Variants in PIK3C2G observed in about 807,000 individuals in gnomAD.
PIK3C2G encodes the protein phosphatidylinositol 3-kinase C2 domain-containing subunit gamma.
In PIK3C2G, 168 loss-of-function variants were observed where a neutral mutation model predicts 181.1. That is an observed-to-expected ratio of 0.93 (90% CI 0.82 to 1.05). PIK3C2G has a LOEUF of 1.05. Among genes scored for constraint, PIK3C2G ranks in the 50% least tolerant of loss-of-function variants. The pLI, the probability that PIK3C2G is intolerant of heterozygous loss-of-function variation, is 0.00. For missense variants in PIK3C2G, 1,869 were observed against 1,732.8 expected, an observed-to-expected ratio of 1.08 and a Z score of -1.40; for synonymous variants, 573 against 592.2, an observed-to-expected ratio of 0.97 and a Z score of 0.47.
the PIK3C2G span, among the ~76,000 whole-genome samples, chr12:18,659,274 A>G: frequency 8.5e-5 from 13 of 152,322 alleles, no homozygotes; most frequent in East Asian, 3.9e-4. Flanking sequence ...GCAAAGAGAT[A>G]AATACTATCA....
At chr12:18,617,874 G>C (rs1327167380) in intron 31 of PIK3C2G, among the ~76,000 whole-genome samples, 4 of 152,228 alleles carry the variant, frequency 2.6e-5, no homozygotes, top group African/African-American at 7.2e-5. Flanking sequence ...CCTCTGACAG[G>C]CTGATTATAG....
At chr12:18,574,401 C>T (rs1946127461) in intron 29 of PIK3C2G, among the ~76,000 whole-genome samples, 1 of 152,150 alleles carries the variant, frequency 6.6e-6, no homozygotes, top group Non-Finnish European at 1.5e-5. Context: ...TAAAGAAAAA[C>T]TTATCTGTAA....
intron 18 of PIK3C2G, among the ~76,000 whole-genome samples, chr12:18,472,854 C>T (rs1938582720): frequency 6.6e-6 from 1 of 152,064 alleles, no homozygotes; most frequent in African/African-American, 2.4e-5. Flanking sequence ...CACCCGCCAC[C>T]ACGCCCAGCT....
intron 28 of PIK3C2G, among the ~76,000 whole-genome samples, chr12:18,564,039 G>GT (rs144367297): frequency 0.049 from 7,423 of 151,158 alleles, 451 homozygotes; most frequent in African/African-American, 0.14. Context: ...AACTCATTTT[G>GT]TGCCATTGAT....
chr12:18,712,960 A>C, the PIK3C2G span: 3 of 1,613,942 alleles, frequency 1.9e-6, no homozygotes, highest in Non-Finnish European at 2.5e-6. Flanking sequence ...GTCAATCTCC[A>C]AACAACGGCA....
chr12:18,393,502 T>C (rs11044071), intron 15 of PIK3C2G, among the ~76,000 whole-genome samples: 19,496 of 151,970 alleles, frequency 0.13, 1,297 homozygotes, highest in African/African-American at 0.16. Flanking sequence ...AGTGAAAATA[T>C]GCCTGTGATA....
At chr12:18,353,096 A>G (rs1455185471) in intron 11 of PIK3C2G, among the ~76,000 whole-genome samples, 6 of 152,186 alleles carry the variant, frequency 3.9e-5, no homozygotes, top group Non-Finnish European at 8.8e-5. Flanking sequence ...CCTCCTGTCC[A>G]TATCACTTCC....
chr12:18,364,009 G>A (rs564778953), intron 12 of PIK3C2G, among the ~76,000 whole-genome samples: 2 of 152,214 alleles, frequency 1.3e-5, no homozygotes, highest in South Asian at 4.1e-4. Context: ...AACTCTGCTT[G>A]TAAAATTTTT....
chr12:18,492,890 G>A (rs144618646), intron 20 of PIK3C2G, among the ~76,000 whole-genome samples: 53 of 152,204 alleles, frequency 3.5e-4, no homozygotes, highest in African/African-American at 1.1e-3. Flanking sequence ...AGCACCCTAC[G>A]GTTAGCAGTA....
intron 31 of PIK3C2G, among the ~76,000 whole-genome samples, chr12:18,634,533 T>C (rs1009006701): frequency 2.0e-5 from 3 of 152,222 alleles, no homozygotes; most frequent in African/African-American, 7.2e-5. Flanking sequence ...CAGTCCAATG[T>C]AATCAACCGG....
chr12:18,693,012 A>G, the PIK3C2G span: 162 of 1,423,996 alleles, frequency 1.1e-4, no homozygotes, highest in Non-Finnish European at 1.5e-4. Flanking sequence ...GGAAGAATTC[A>G]TTAGAAATCA....
chr12:18,679,298 T>A, the PIK3C2G span, among the ~76,000 whole-genome samples: 1 of 151,986 alleles, frequency 6.6e-6, no homozygotes, highest in Non-Finnish European at 1.5e-5. Context: ...TTTAAAAAAA[T>A]TTTGATGAAA....
Position 18,500,473 on chromosome 12 carries a change from G to T in PIK3C2G, c.3016+2725G>T, listed in dbSNP as rs376392598. Among the ~76,000 whole-genome samples, 22 of 152,270 alleles carry T rather than the reference G, an allele frequency of 1.4e-4. No individual in the cohort carries two copies. The East Asian group carries it at 3.9e-3, about 27-fold the overall frequency. On this transcript the variant is annotated intron_variant, in intron 22 of 32. Coordinates refer to ENST00000538779, the MANE Select transcript of PIK3C2G (RefSeq NM_001288772.2). ...GCAGCCGAGCCTCCCCTACGAGCGC[G>T]GCCCCCTGCTCCACGGCGCCCAGTC... is the stretch of plus-strand genomic sequence containing the variant.
chr12:18,456,416 A>T (rs531897605), intron 18 of PIK3C2G, among the ~76,000 whole-genome samples: 2 of 152,240 alleles, frequency 1.3e-5, no homozygotes, highest in East Asian at 3.9e-4. Context: ...GGGGCTCCCA[A>T]GTGGGTCTTC....
At chr12:18,287,977 C>G (rs1176388800) in intron 3 of PIK3C2G, among the ~76,000 whole-genome samples, 1 of 151,918 alleles carries the variant, frequency 6.6e-6, no homozygotes, top group Non-Finnish European at 1.5e-5. Flanking sequence ...GCCTGGCCAA[C>G]GTGGTGAAAC....
At chr12:18,576,011 A>T (rs896179664) in intron 29 of PIK3C2G, among the ~76,000 whole-genome samples, 4 of 152,206 alleles carry the variant, frequency 2.6e-5, no homozygotes, top group African/African-American at 9.7e-5. Flanking sequence ...TTATTCTTAT[A>T]TCTTATCAAG....
chr12:18,593,316 C>T (rs1947183442), intron 29 of PIK3C2G, among the ~76,000 whole-genome samples: 2 of 151,396 alleles, frequency 1.3e-5, no homozygotes, highest in East Asian at 1.9e-4. Context: ...GGGAAAGACA[C>T]ATTTTTTTTT....
At chr12:18,252,069 A>ATT (rs1331484451) in intron 1 of PIK3C2G, among the ~76,000 whole-genome samples, 11 of 152,188 alleles carry the variant, frequency 7.2e-5, no homozygotes, top group African/African-American at 2.7e-4. Context: ...TTTTTCAAAT[A>ATT]TTCATGTTAG....
chr12:18,701,625 TCCTCCTC>T, the PIK3C2G span: 1 of 1,556,296 alleles, frequency 6.4e-7, no homozygotes, highest in Non-Finnish European at 8.7e-7. Flanking sequence ...CTCCTCCTCC[TCCTCCTC>T]CTCCTCCTCC....
Sources: allele counts gnomAD v4.1 joint callset (sites outside exome capture counted in the v4.1 genomes callset), GRCh38; gene constraint gnomAD v4.1.1; transcripts MANE v1.5; gene names NCBI Gene and HGNC (gene_info 2026-07-23, HGNC 2026-07-21).